Variants in PHACTR2 observed in about 807,000 individuals in gnomAD.
The protein encoded by PHACTR2 is chromosome 6 open reading frame 56.
PHACTR2 carries 30 observed loss-of-function variants against 76.0 expected under a neutral mutation model. That is an observed-to-expected ratio of 0.39 (90% CI 0.30 to 0.54). The LOEUF is 0.54. PHACTR2 is among the 20% of genes least tolerant of loss of function. The pLI, the probability that PHACTR2 is intolerant of heterozygous loss-of-function variation, is 0.61. For missense variants in PHACTR2, 696 were observed against 781.1 expected (o/e 0.89, Z 1.30); for synonymous variants, 292 against 292.5 (o/e 1.00, Z 0.02).
At chr6:143,711,610 A>G (rs889579595) in intron 1 of PHACTR2, among the ~76,000 whole-genome samples, 1 of 152,374 alleles carries the variant, frequency 6.6e-6, no homozygotes, top group African/African-American at 2.4e-5. Flanking sequence ...TAACTACACC[A>G]TAACTGTAAT....
At position 143,599,415 on chromosome 6, in the gene PHACTR2, T is replaced by G. The variant is rs1369663376; in HGVS notation, c.217+62208T>G. 2.0e-5 allele frequency among the ~76,000 whole-genome samples: 3 copies of G among 152,184 alleles called. No individual in the cohort carries two copies. Among genetic ancestry groups the G allele is most frequent in the Admixed American group, 2.0e-4 (3 of 15,286 alleles). ...CACTGTTTATTGATTCATCCATCAC[T>G]TATCTGGTCATGTATTTATTCTAGA... is the stretch of plus-strand genomic sequence containing the variant. On this transcript the variant is annotated intron_variant, in intron 1 of 11. Transcript: ENST00000367584. This position sits in a 1 kb window ranked among gnomAD's most constrained non-coding sequence, Gnocchi z 4.6.
intron 2 of PHACTR2, among the ~76,000 whole-genome samples, chr6:143,717,876 C>T (rs1168401860): frequency 6.6e-6 from 1 of 152,044 alleles, no homozygotes; most frequent in Non-Finnish European, 1.5e-5. Context: ...CCTGCCTATG[C>T]TTTGGGACTT....
At position 143,581,867 on chromosome 6, in the gene PHACTR2, C is replaced by T. The variant is rs1775578395; in HGVS notation, c.217+44660C>T. On this transcript the variant is annotated intron_variant, in intron 1 of 11. Transcript: ENST00000367584. The surrounding 1 kb of genome is among the most constrained non-coding windows in gnomAD (Gnocchi z 4.5). ...CCCTCAAAAAGGAAAGAAAGTTATCCTGCCCTTGCCTAGACTTAGATGAAC... is the reference window on the plus strand; with the variant it reads ...CCCTCAAAAAGGAAAGAAAGTTATCTTGCCCTTGCCTAGACTTAGATGAAC... Among the ~76,000 whole-genome samples, 1 of 152,106 alleles carries T rather than the reference C, an allele frequency of 6.6e-6. No individual in the cohort carries two copies. The highest frequency in any genetic ancestry group is 2.1e-4 in the South Asian group (1 of 4,822).
At chr6:143,650,314 A>C (rs140623792) in intron 1 of PHACTR2, among the ~76,000 whole-genome samples, 1 of 152,172 alleles carries the variant, frequency 6.6e-6, no homozygotes, top group Non-Finnish European at 1.5e-5. Flanking sequence ...GCCATCGACA[A>C]TCTTCACAGA....
intron 2 of PHACTR2, among the ~76,000 whole-genome samples, chr6:143,745,325 T>C (rs993829026): frequency 6.6e-6 from 1 of 152,152 alleles, no homozygotes; most frequent in Non-Finnish European, 1.5e-5. Flanking sequence ...TGGGTTAGAT[T>C]GATGCGCAGA....
At position 143,782,305 on chromosome 6, in the gene PHACTR2, T is replaced by C. The variant is rs938018638; in HGVS notation, c.1646-914T>C. 1.3e-5 allele frequency among the ~76,000 whole-genome samples: 2 copies of C among 152,270 alleles called. No homozygotes were observed. Among genetic ancestry groups the C allele is most frequent in the African/African-American group, 4.8e-5 (2 of 41,568 alleles). ...TCAACCTTTTGGTCAAGGCTTTATA[T>C]GGTGTTATTTTCCTGCAAAAGAGTT... On this transcript the variant is annotated intron_variant, in intron 9 of 12. Coordinates refer to ENST00000440869, the MANE Select transcript of PHACTR2 (RefSeq NM_001100164.2). This position sits in a 1 kb window ranked among gnomAD's most constrained non-coding sequence, Gnocchi z 4.6.
intron 2 of PHACTR2, among the ~76,000 whole-genome samples, chr6:143,714,047 T>TG (rs2128461458): frequency 6.6e-6 from 1 of 152,338 alleles, no homozygotes; most frequent in East Asian, 1.9e-4. Flanking sequence ...TTACTTTTAG[T>TG]GGCAAAAAAC....
rs995993073 is a variant in PHACTR2, at chr6:143,767,625, T to C, written c.1232+1827T>C. Among the ~76,000 whole-genome samples, 4 of 152,108 alleles carry C rather than the reference T, an allele frequency of 2.6e-5. No homozygotes were observed. The highest frequency in any genetic ancestry group is 9.7e-5 in the African/African-American group (4 of 41,406). On this transcript the variant is annotated intron_variant, in intron 6 of 12. Coordinates refer to ENST00000440869, the MANE Select transcript of PHACTR2 (RefSeq NM_001100164.2). The surrounding 1 kb of genome is among the most constrained non-coding windows in gnomAD (Gnocchi z 4.4). ...GTCCTAGGGGCTGAGAAGTCCAAGA[T>C]CAAGGCAGCAGCATTTGGCAAGGAT... is the stretch of plus-strand genomic sequence containing the variant.
At chr6:143,762,608 C>G (rs1217662879) in intron 5 of PHACTR2, among the ~76,000 whole-genome samples, 3 of 152,162 alleles carry the variant, frequency 2.0e-5, no homozygotes, top group Non-Finnish European at 4.4e-5. Flanking sequence ...TGCATAGTAA[C>G]TTTGTTTTAT....
At chr6:143,748,322 C>T (rs1428187833) in intron 2 of PHACTR2, among the ~76,000 whole-genome samples, 2 of 152,296 alleles carry the variant, frequency 1.3e-5, no homozygotes, top group African/African-American at 2.4e-5. Context: ...CCTCGGCCCC[C>T]GCCAAAGTGC....
intron 1 of PHACTR2, among the ~76,000 whole-genome samples, chr6:143,667,483 G>A (rs927276384): frequency 1.3e-5 from 2 of 152,162 alleles, no homozygotes; most frequent in Non-Finnish European, 2.9e-5. Flanking sequence ...CCATTTTTAT[G>A]ATATTGATTC....
intron 1 of PHACTR2, among the ~76,000 whole-genome samples, chr6:143,694,883 A>G (rs1762631681): frequency 6.6e-6 from 1 of 152,310 alleles, no homozygotes; most frequent in African/African-American, 2.4e-5. Context: ...CTCACAGGAA[A>G]CTTTTAACTG....
intron 1 of PHACTR2, among the ~76,000 whole-genome samples, chr6:143,614,491 T>C (rs932641059): frequency 6.6e-6 from 1 of 152,192 alleles, no homozygotes; most frequent in Non-Finnish European, 1.5e-5. Flanking sequence ...GGAAGCCATT[T>C]TTGGTAACTA....
In PHACTR2 at chr6:143,619,578, G is replaced by A. The variant is rs1776116432; in HGVS notation, c.13+11256G>A. ...TCTTTGAGACTGTTGCATGGGAATG[G>A]TGGTACATTCTGTTTTCTCTTCCTC... is the stretch of plus-strand genomic sequence containing the variant. On this transcript the variant is annotated intron_variant, in intron 1 of 11. Transcript: ENST00000305766. This position sits in a 1 kb window ranked among gnomAD's most constrained non-coding sequence, Gnocchi z 4.5. 6.6e-6 allele frequency among the ~76,000 whole-genome samples: 1 copy of A among 152,208 alleles called. No individual in the cohort carries two copies. Among genetic ancestry groups the A allele is most frequent in the Admixed American group, 6.5e-5 (1 of 15,278 alleles).
Position 143,678,459 on chromosome 6 carries a change from T to TA in PHACTR2, c.46+251dup, listed in dbSNP as rs397796501. ...TGCGCGATGCCTCGCTGTGGTTTTTTATCCAAATTATTTCGGAGCCAGAAA... is the reference window on the plus strand; with the variant it reads ...TGCGCGATGCCTCGCTGTGGTTTTTTAATCCAAATTATTTCGGAGCCAGAAA... On this transcript the variant is annotated intron_variant, in intron 1 of 12. Transcript: ENST00000440869. The surrounding 1 kb of genome is among the most constrained non-coding windows in gnomAD (Gnocchi z 6.2). 6.6e-6 allele frequency among the ~76,000 whole-genome samples: 1 copy of TA among 152,182 alleles called. No homozygotes were observed. The highest frequency in any genetic ancestry group is 2.4e-5 in the African/African-American group (1 of 41,448).
rs539937660 is a variant in PHACTR2, at chr6:143,709,879, A to T, written c.47-2137A>T. On this transcript the variant is annotated intron_variant, in intron 1 of 12. Transcript: ENST00000440869. The surrounding 1 kb of genome is among the most constrained non-coding windows in gnomAD (Gnocchi z 4.4). ...ATGGTCTCCACTGACACTGTGGAAG[A>T]TGCTTCATTATCAGCCACCAGGCAT... is the stretch of plus-strand genomic sequence containing the variant. Among the ~76,000 whole-genome samples, 3 of 152,242 alleles carry T rather than the reference A, an allele frequency of 2.0e-5. No individual in the cohort carries two copies. In the South Asian group the frequency reaches 6.2e-4, roughly 32 times the overall value.
At chr6:143,609,991 G>A (rs1041177742) in intron 1 of PHACTR2, among the ~76,000 whole-genome samples, 2 of 151,626 alleles carry the variant, frequency 1.3e-5, no homozygotes, top group African/African-American at 2.4e-5. Context: ...AGAGTGGCTT[G>A]TAAAGTAGCA....
At chr6:143,725,883 G>A (rs530294216) in intron 2 of PHACTR2, among the ~76,000 whole-genome samples, 1 of 152,012 alleles carries the variant, frequency 6.6e-6, no homozygotes, top group African/African-American at 2.4e-5. Context: ...TTTGGAGACT[G>A]GTTTCTTCCA....
intron 1 of PHACTR2, among the ~76,000 whole-genome samples, chr6:143,626,072 C>CT (rs1205805808): frequency 6.6e-6 from 1 of 152,088 alleles, no homozygotes; most frequent in African/African-American, 2.4e-5. Context: ...TTTCAATTTG[C>CT]TTAAATGCTT....
Sources: gnomAD v4.1 joint callset for allele counts (sites outside exome capture counted in the v4.1 genomes callset) on GRCh38, gnomAD v4.1.1 for gene constraint, Gnocchi (gnomAD v3.1) non-coding constraint, MANE v1.5 for transcripts, NCBI Gene and HGNC (gene_info 2026-07-23, HGNC 2026-07-21) for gene names.